ATAD2B: variants seen among roughly 807,000 people sequenced by gnomAD.
ATAD2B encodes ATPase family AAA domain-containing protein 2B.
In ATAD2B, 40 loss-of-function variants were observed where a neutral mutation model predicts 167.6. That is an observed-to-expected ratio of 0.24 (90% CI 0.19 to 0.31). The LOEUF (loss-of-function observed/expected upper bound fraction) is 0.31. Among genes scored for constraint, ATAD2B ranks in the 10% least tolerant of loss-of-function variants. The pLI is 1.00. For missense variants in ATAD2B, 1,242 were observed against 1,757.2 expected, an observed-to-expected ratio of 0.71 and a Z score of 5.24; for synonymous variants, 579 against 596.5, an observed-to-expected ratio of 0.97 and a Z score of 0.43.
At position 23,882,604 on chromosome 2, in the gene ATAD2B, C is replaced by G. The variant is rs565296997; in HGVS notation, c.785-1849G>C. 1.2e-3 allele frequency among the ~76,000 whole-genome samples: 185 copies of G among 150,102 alleles called. 1 individual carries two copies. The highest frequency in any genetic ancestry group is 4.4e-3 in the African/African-American group (180 of 40,810). ...TGGGAGGATCACGAGGTCAGGAGAT[C>G]GAGACCATCCTGGCTAACACAGTGA... On this transcript the variant is annotated intron_variant, in intron 6 of 27. Transcript: ENST00000238789.
chr2:23,902,254 C>T (rs1700933518), intron 1 of ATAD2B, among the ~76,000 whole-genome samples: 1 of 152,068 alleles, frequency 6.6e-6, no homozygotes, highest in Admixed American at 6.6e-5. Context: ...GGTATATTTA[C>T]TTTTTTTGTC....
intron 18 of ATAD2B, among the ~76,000 whole-genome samples, chr2:23,805,535 A>C (rs1185266027): frequency 6.6e-6 from 1 of 152,240 alleles, no homozygotes; most frequent in African/African-American, 2.4e-5. Flanking sequence ...GCAATTACAC[A>C]CGACACAGTG....
At chr2:23,862,169 C>A (rs908371543) in intron 12 of ATAD2B, among the ~76,000 whole-genome samples, 4 of 151,596 alleles carry the variant, frequency 2.6e-5, no homozygotes, top group Non-Finnish European at 5.9e-5. Flanking sequence ...TGCACTCCAG[C>A]CTGGGTGACA....
chr2:23,693,608 AG>A, the ATAD2B span: 9 of 1,418,652 alleles, frequency 6.3e-6, no homozygotes, highest in African/African-American at 9.9e-5. Flanking sequence ...GCAAGGAGGA[AG>A]GAAGTGAACC....
chr2:23,796,478 AAAATAAAAACTGCTTATCAAGAAGTT>A (rs1325981193), intron 19 of ATAD2B, among the ~76,000 whole-genome samples: 1 of 152,230 alleles, frequency 6.6e-6, no homozygotes, highest in Admixed American at 6.5e-5. Flanking sequence ...AGAAGTAGGT[AAAATAAAAACTGCTTATCAAGAAGTT>A]AGGCTCATCA....
the ATAD2B span, among the ~76,000 whole-genome samples, chr2:23,702,012 G>A: frequency 6.6e-6 from 1 of 150,986 alleles, no homozygotes; most frequent in Non-Finnish European, 1.5e-5. Flanking sequence ...TAGTAGAGAC[G>A]GGGTTTCTCC....
At chr2:23,901,898 AAGT>A (rs1160963182) in intron 1 of ATAD2B, among the ~76,000 whole-genome samples, 5 of 152,198 alleles carry the variant, frequency 3.3e-5, no homozygotes, top group African/African-American at 1.2e-4. Context: ...ACAAAAAAAA[AAGT>A]AGTAAAATAT....
chr2:23,857,224 C>T (rs1693569502), intron 13 of ATAD2B, among the ~76,000 whole-genome samples, 191 bp downstream of exon 13: 2 of 152,198 alleles, frequency 1.3e-5, no homozygotes, highest in Admixed American at 6.5e-5. Context: ...TACAAAAACA[C>T]ACAGAGGCCT....
chr2:23,812,794 C>T (rs1243654390), intron 17 of ATAD2B, among the ~76,000 whole-genome samples: 3 of 140,752 alleles, frequency 2.1e-5, no homozygotes, highest in Non-Finnish European at 3.0e-5. Context: ...ACCTGGGAGG[C>T]AGAGGTTGCA....
chr2:23,792,467 TAAA>T (rs201253813), intron 19 of ATAD2B, among the ~76,000 whole-genome samples: 2 of 120,920 alleles, frequency 1.7e-5, no homozygotes, highest in Admixed American at 8.3e-5. Context: ...ACTTAAGATC[TAAA>T]AAAAAAAAAA....
Position 23,925,599 on chromosome 2 carries a change from AAAC to A in ATAD2B, c.216+953_216+955del, listed in dbSNP as rs1385836257. ...GCAATACACTCTTCTCTGAATTCAG[AAAC>A]AATCTCATAGTAAAACAAACGTGTC... On this transcript the variant is annotated intron_variant, in intron 1 of 27. Transcript: ENST00000238789. 2.6e-5 allele frequency among the ~76,000 whole-genome samples: 4 copies of A among 152,236 alleles called. 1 individual carries two copies. The highest frequency in any genetic ancestry group is 1.3e-4 in the Admixed American group (2 of 15,288).
intron 4 of ATAD2B, 22 bp from the exon 5 acceptor site, chr2:23,885,851 A>G: frequency 7.0e-7 from 1 of 1,432,132 alleles, no homozygotes; most frequent in East Asian, 2.4e-5. Flanking sequence ...TAATAAAATC[A>G]GGATTTAGAC....
downstream of ATAD2B, among the ~76,000 whole-genome samples, chr2:23,745,415 A>AAGGGAAG (rs1272749448): frequency 1.0e-5 from 1 of 96,126 alleles, no homozygotes; most frequent in Non-Finnish European, 2.4e-5. Context: ...GAAGGAAGGA[A>AAGGGAAG]GGAAGGAAAG....
intron 22 of ATAD2B, among the ~76,000 whole-genome samples, chr2:23,774,054 A>G (rs1174564034): frequency 1.3e-5 from 2 of 152,318 alleles, no homozygotes; most frequent in East Asian, 3.9e-4. Context: ...AAAAAATCCC[A>G]GAAGTATATT....
intron 22 of ATAD2B, 41 bp downstream of exon 22, chr2:23,782,828 T>C: frequency 6.6e-7 from 1 of 1,526,090 alleles, no homozygotes; most frequent in South Asian, 1.2e-5. Flanking sequence ...AACTGTCTTC[T>C]GATTGATTAT....
intron 1 of ATAD2B, among the ~76,000 whole-genome samples, chr2:23,925,969 C>A (rs535531997): frequency 1.3e-5 from 2 of 152,302 alleles, no homozygotes; most frequent in East Asian, 3.9e-4. Flanking sequence ...TGTTTGATCT[C>A]TCCTGCCTGG....
chr2:23,784,923 T>C (rs1209120440), intron 21 of ATAD2B, among the ~76,000 whole-genome samples: 1 of 152,102 alleles, frequency 6.6e-6, no homozygotes, highest in Non-Finnish European at 1.5e-5. Context: ...GTCTTGGCTA[T>C]GTCACTTGCC....
intron 6 of ATAD2B, 126 bp downstream of exon 6, chr2:23,884,639 A>T (rs1291457763): frequency 4.2e-6 from 2 of 481,386 alleles, no homozygotes; most frequent in Non-Finnish European, 7.3e-6. Flanking sequence ...ATTTCAAATT[A>T]TACAATATAG....
At chr2:23,691,930 G>A in the ATAD2B span, 1 of 1,506,326 alleles carries the variant, frequency 6.6e-7, no homozygotes, top group Non-Finnish European at 9.0e-7. Context: ...GATGGGCGGA[G>A]AACTCCATAA....
Sources: allele counts gnomAD v4.1 joint callset (sites outside exome capture counted in the v4.1 genomes callset), GRCh38; gene constraint gnomAD v4.1.1; transcripts MANE v1.5; gene names NCBI Gene and HGNC (gene_info 2026-07-23, HGNC 2026-07-21).